BBIP1: variants seen among roughly 807,000 people sequenced by gnomAD.
BBIP1 encodes BBSome interacting protein 1.
A neutral mutation model predicts 8.9 loss-of-function variants in BBIP1; 6 were observed. That is an observed-to-expected ratio of 0.67 (90% CI 0.37 to 1.33). The LOEUF is 1.33. Ranked by LOEUF, BBIP1 falls within the 40% of genes most tolerant of loss-of-function variation. BBIP1 has a pLI of 0.02. For missense variants in BBIP1, 111 were observed against 109.2 expected (o/e 1.02, Z -0.07); for synonymous variants, 32 against 33.4 (o/e 0.96, Z 0.14).
Position 110,899,240 on chromosome 10 carries a change from T to A in BBIP1, c.*1120A>T, listed in dbSNP as rs1461828075. On this transcript the variant is annotated 3_prime_UTR_variant, in exon 4 of 4. Coordinates refer to ENST00000448814, the MANE Select transcript of BBIP1 (RefSeq NM_001195305.3). ...TGACTGCAGCAAACAAGAATTATAT[T>A]CAGAATTTATGAGGGTACTGTTAGG... 6.6e-6 allele frequency: 1 copy of A among 152,176 alleles called. No homozygotes were observed. The highest frequency in any genetic ancestry group is 2.4e-5 in the African/African-American group (1 of 41,448). 9.4% of individuals were successfully genotyped at this position (152,176 alleles called of 1,614,324 possible).
At chr10:110,903,191 A>T (rs936139615) in intron 2 of BBIP1, 6 of 152,218 alleles carry the variant, frequency 3.9e-5, no homozygotes, top group African/African-American at 1.2e-4. Context: ...AGTGGTAGAT[A>T]AACAACTCTT....
intron 2 of BBIP1, among the ~76,000 whole-genome samples, chr10:110,912,399 T>C (rs143469118): frequency 1.8e-3 from 271 of 152,260 alleles, no homozygotes; most frequent in African/African-American, 6.4e-3. Context: ...TTTCATCATA[T>C]CACAAATTAT....
At chr10:110,906,052 G>T (rs2134027893) in intron 2 of BBIP1, among the ~76,000 whole-genome samples, 1 of 148,632 alleles carries the variant, frequency 6.7e-6, no homozygotes, top group East Asian at 2.0e-4. Flanking sequence ...GCCCAGGCTG[G>T]AGAGCAGTGG....
rs375736855 is a variant in BBIP1, at chr10:110,918,162, C to G, written c.-5G>C. On this transcript the variant is annotated 5_prime_UTR_variant, in exon 2 of 4. Transcript: ENST00000448814. Reference sequence around the variant, plus strand: ...TTTTGCTGCAGCTTTAAGCATCCAACCCGGTATTACCAAGATGACTTAGAG... The same window carrying G: ...TTTTGCTGCAGCTTTAAGCATCCAAGCCGGTATTACCAAGATGACTTAGAG... 4 of 1,535,508 alleles carry G rather than the reference C, an allele frequency of 2.6e-6. No homozygotes were observed. The highest frequency in any genetic ancestry group is 4.9e-5 in the East Asian group (2 of 40,902).
At chr10:110,908,296 CA>C (rs1448169552) in intron 2 of BBIP1, 1 of 152,198 alleles carries the variant, frequency 6.6e-6, no homozygotes, top group East Asian at 1.9e-4. Flanking sequence ...GTAGACTTGG[CA>C]AAAATGACAT....
At chr10:110,915,632 G>A (rs796368992) in intron 2 of BBIP1, among the ~76,000 whole-genome samples, 3 of 152,096 alleles carry the variant, frequency 2.0e-5, no homozygotes, top group Non-Finnish European at 4.4e-5. Flanking sequence ...GCTATAAACC[G>A]AGGTAAAGCA....
In BBIP1 at chr10:110,900,458, G is replaced by C. The variant is rs950517725; in HGVS notation, c.181C>G (p.Leu61Val). 113 of 1,535,680 alleles carry C rather than the reference G, an allele frequency of 7.4e-5. No individual in the cohort carries two copies. Among genetic ancestry groups the C allele is most frequent in the Non-Finnish European group, 8.9e-5 (102 of 1,146,726 alleles). Residue 61 changes from leucine to valine, a missense_variant, in exon 4 of 4, where the codon CTG becomes GTG. Leu to Val is a conservative substitution (Grantham distance 32, BLOSUM62 1). Transcript: ENST00000448814. The part of the protein sequence containing the change: ...CKPKLLPLKS[L>V]TLEKLEKMHQ... ...ATTTTCTCTAGTTTTTCCAGAGTCA[G>C]AGATTTTAAGGGTAAAAGTTTGGGT... is the stretch of plus-strand genomic sequence containing the variant.
chr10:110,917,134 G>A (rs1368678153), intron 2 of BBIP1, among the ~76,000 whole-genome samples: 1 of 148,846 alleles, frequency 6.7e-6, no homozygotes, highest in Non-Finnish European at 1.5e-5. Context: ...GTCACAGGGG[G>A]AAAAAAGATG....
At chr10:110,903,429 T>A (rs777553773) in intron 2 of BBIP1, 2 of 152,268 alleles carry the variant, frequency 1.3e-5, no homozygotes, top group Non-Finnish European at 2.9e-5. Context: ...GTGGGGGAGA[T>A]TAGTGCCAGT....
In BBIP1 at chr10:110,901,548, A is replaced by T; in HGVS notation, c.102T>A (p.Leu34=). 2 of 1,534,866 alleles carry T rather than the reference A, an allele frequency of 1.3e-6. No individual in the cohort carries two copies. Among genetic ancestry groups the T allele is most frequent in the Non-Finnish European group, 1.7e-6 (2 of 1,145,810 alleles). ...TTGTGATGTACATACCTTGCTTTGGAAGAACTTCCCGGAACATTGACTTCA... is the reference window on the plus strand; with the variant it reads ...TTGTGATGTACATACCTTGCTTTGGTAGAACTTCCCGGAACATTGACTTCA... ...AEVKSMFREV[L]PKQGPLFVED... The change falls in exon 3 of 4, where the codon CTT becomes CTA. Residue 34 remains leucine (L), a synonymous_variant. Transcript: ENST00000448814.
intron 2 of BBIP1, among the ~76,000 whole-genome samples, chr10:110,909,203 C>T (rs910160885): frequency 2.0e-5 from 3 of 151,412 alleles, no homozygotes; most frequent in Admixed American, 1.3e-4. Flanking sequence ...AAAAAGTTGG[C>T]CTTTTTTTTT....
Position 110,901,603 on chromosome 10 carries a change from G to C in BBIP1, c.47C>G (p.Thr16Ser), listed in dbSNP as rs1490874039. 2 of 1,534,712 alleles carry C rather than the reference G, an allele frequency of 1.3e-6. No individual in the cohort carries two copies. Among genetic ancestry groups the C allele is most frequent in the Non-Finnish European group, 1.7e-6 (2 of 1,145,786 alleles). The stretch of plus-strand genomic sequence containing the variant: ...TGCCATATCTGAGTTGTTGGATATA[G>C]TGTTTTTTCCTTCAATGAGAAATCA... ...AKRPELSGKN[T>S]ISNNSDMAEV... Residue 16 changes from threonine (T) to serine (S), a missense_variant, in exon 3 of 4, where the codon ACT becomes AGT. Physicochemically the swap from Thr to Ser is moderately conservative, Grantham distance 58. Transcript: ENST00000448814.
In BBIP1 at chr10:110,901,510, A is replaced by G. The variant is rs553328976; in HGVS notation, c.112+28T>C. 95 of 1,483,568 alleles carry G rather than the reference A, an allele frequency of 6.4e-5. No homozygotes were observed. The African/African-American group carries it at 8.2e-4, about 13-fold the overall frequency. 91.9% of individuals were successfully genotyped at this position (1,483,568 alleles called of 1,614,324 possible). ...GACTTCTTTAGTCCTGTAATAATCA[A>G]TGACCTCAATATTTGTGATGTACAT... On this transcript the variant is annotated intron_variant, in intron 3 of 3. Transcript: ENST00000448814.
At chr10:110,911,434 A>G (rs1846272973) in intron 2 of BBIP1, 1 of 152,104 alleles carries the variant, frequency 6.6e-6, no homozygotes, top group Non-Finnish European at 1.5e-5. Context: ...GCTTAAGAAT[A>G]ACAATAGCAA....
In BBIP1 at chr10:110,899,351, C is replaced by T. The variant is rs572244618; in HGVS notation, c.*1009G>A. ...TATTTACCTCATGGGCTTTATCAAG[C>T]CCATATTACCTCAGCTTATATATAG... On this transcript the variant is annotated 3_prime_UTR_variant, in exon 4 of 4. Transcript: ENST00000448814. 2.0e-5 allele frequency: 3 copies of T among 152,126 alleles called. No individual in the cohort carries two copies. The highest frequency in any genetic ancestry group is 7.2e-5 in the African/African-American group (3 of 41,428). The allele number at this position is 152,126 out of a possible 1,614,324, so 9.4% of individuals were successfully genotyped here. A position where few individuals can be genotyped will look rare whatever the true frequency, so the allele number is the denominator to read the frequency against.
intron 2 of BBIP1, chr10:110,912,037 T>C (rs1342358969): frequency 1.3e-5 from 2 of 152,042 alleles, no homozygotes; most frequent in African/African-American, 4.8e-5. Flanking sequence ...AGGAATGAGG[T>C]AGACGAAAAA....
intron 2 of BBIP1, chr10:110,910,683 A>G (rs1452223425): frequency 6.6e-6 from 1 of 152,256 alleles, no homozygotes; most frequent in East Asian, 1.9e-4. Flanking sequence ...AGTGGGTGAT[A>G]AGGAAATGAT....
At position 110,918,184 on chromosome 10, in the gene BBIP1, A is replaced by ATC. The variant is rs1016643704; in HGVS notation, c.-28_-27insGA. On this transcript the variant is annotated 5_prime_UTR_variant, in exon 2 of 4. The change creates a premature stop within an existing upstream ORF in the 5' untranslated region. Coordinates refer to ENST00000448814, the MANE Select transcript of BBIP1 (RefSeq NM_001195305.3). ...CAACCCGGTATTACCAAGATGACTT[A>ATC]GAGTTCTTGACTCAAGCATACAGAA... The ATC allele has an allele frequency of 4.6e-6, 7 of 1,531,804 alleles. No homozygotes were observed. The African/African-American group carries it at 9.6e-5, about 21-fold the overall frequency. 94.9% of individuals were successfully genotyped at this position (1,531,804 alleles called of 1,614,324 possible). A position where few individuals can be genotyped will look rare whatever the true frequency, so the allele number is the denominator to read the frequency against.
rs1429801064 is a variant in BBIP1, at chr10:110,899,795, T to G, written c.*565A>C. On this transcript the variant is annotated 3_prime_UTR_variant, in exon 4 of 4. Transcript: ENST00000448814. ...GGGCAACAAGAGTGAAACTCTTGTC[T>G]CAAAAAAAAAAAAAAATGAGGTTTA... 1 of 71,204 alleles carries G rather than the reference T, an allele frequency of 1.4e-5. No individual in the cohort carries two copies. Among genetic ancestry groups the G allele is most frequent in the Non-Finnish European group, 3.4e-5 (1 of 29,004 alleles). 4.4% of individuals were successfully genotyped at this position (71,204 alleles called of 1,614,324 possible). A position where few individuals can be genotyped will look rare whatever the true frequency, so the allele number is the denominator to read the frequency against.
Sources: gnomAD v4.1 joint callset for allele counts (sites outside exome capture counted in the v4.1 genomes callset) on GRCh38, gnomAD v4.1.1 for gene constraint, MANE v1.5 for transcripts, NCBI Gene and HGNC (gene_info 2026-07-23, HGNC 2026-07-21) for gene names.